DNAJC3: variants seen among roughly 807,000 people sequenced by gnomAD.
DNAJC3 encodes dnaJ homolog subfamily C member 3.
In DNAJC3, 38 loss-of-function variants were observed where a neutral mutation model predicts 68.6. The ratio of observed to expected loss-of-function variants is 0.55; its 90% CI spans 0.43 to 0.73. The LOEUF (loss-of-function observed/expected upper bound fraction) is 0.73. Among genes scored for constraint, DNAJC3 ranks in the 30% least tolerant of loss-of-function variants. DNAJC3 has a pLI of 0.00. For synonymous variants in DNAJC3, 203 were observed against 204.0 expected (o/e 1.00, Z 0.04); for missense variants, 526 against 591.9 (o/e 0.89, Z 1.16).
At chr13:95,691,504 G>A (rs1319257986) in intron 1 of DNAJC3, among the ~76,000 whole-genome samples, 1 of 151,818 alleles carries the variant, frequency 6.6e-6, no homozygotes, top group African/African-American at 2.4e-5. Context: ...GATGGCGGCC[G>A]GGAAGAGGCA....
chr13:95,790,796 TCTG>T, intron 11 of DNAJC3, 74 bp from the exon 12 acceptor site: 2 of 712,796 alleles, frequency 2.8e-6, no homozygotes, highest in Non-Finnish European at 4.6e-6. Flanking sequence ...CCCACCCTCC[TCTG>T]CCCAAAGAAA....
chr13:95,782,521 T>C (rs533494997), intron 9 of DNAJC3, among the ~76,000 whole-genome samples: 28 of 152,330 alleles, frequency 1.8e-4, no homozygotes, highest in Non-Finnish European at 3.8e-4. Context: ...TAGTACCTCA[T>C]TGTGGTTTTG....
intron 2 of DNAJC3, among the ~76,000 whole-genome samples, chr13:95,717,409 A>G (rs890683220): frequency 5.3e-5 from 8 of 152,216 alleles, no homozygotes; most frequent in African/African-American, 1.7e-4. Context: ...TGCTCTAGCA[A>G]CTTTCTGAAG....
intron 1 of DNAJC3, among the ~76,000 whole-genome samples, chr13:95,696,559 T>C (rs1052478436): frequency 1.3e-5 from 2 of 152,026 alleles, no homozygotes; most frequent in Admixed American, 6.5e-5. Context: ...AGGCCTTCTT[T>C]GCCTTTTTTA....
chr13:95,716,252 A>G (rs1294889541), intron 2 of DNAJC3, among the ~76,000 whole-genome samples: 2 of 152,212 alleles, frequency 1.3e-5, no homozygotes, highest in Non-Finnish European at 2.9e-5. Flanking sequence ...AGGGCGTGCA[A>G]CAGGGTTGTG....
intron 7 of DNAJC3, among the ~76,000 whole-genome samples, chr13:95,763,370 A>T (rs1051506395): frequency 8.5e-5 from 13 of 152,152 alleles, no homozygotes; most frequent in African/African-American, 3.1e-4. Context: ...TCTGTAAGGA[A>T]ATTCTTCTGG....
chr13:95,742,874 A>T (rs755659090), intron 4 of DNAJC3: 4 of 513,196 alleles, frequency 7.8e-6, no homozygotes, highest in African/African-American at 7.7e-5. Flanking sequence ...AGGATCTAAA[A>T]CTTTTCTCAT....
chr13:95,787,219 T>C (rs1392244042), intron 11 of DNAJC3, 64 bp downstream of exon 11: 5 of 1,562,436 alleles, frequency 3.2e-6, no homozygotes, highest in Non-Finnish European at 4.3e-6. Context: ...GGGTGGAACA[T>C]GTGGTGGGTT....
At chr13:95,689,701 G>T (rs1334068750) in intron 1 of DNAJC3, among the ~76,000 whole-genome samples, 3 of 151,642 alleles carry the variant, frequency 2.0e-5, no homozygotes, top group Admixed American at 1.3e-4. Context: ...TTGTTCATTT[G>T]CGATCTTTCT....
chr13:95,703,217 A>G (rs1566473897), intron 1 of DNAJC3, among the ~76,000 whole-genome samples: 1 of 152,194 alleles, frequency 6.6e-6, no homozygotes, highest in Non-Finnish European at 1.5e-5. Flanking sequence ...CTTACTATGT[A>G]TGGTTGATCT....
intron 1 of DNAJC3, among the ~76,000 whole-genome samples, chr13:95,688,390 G>T (rs1308962242): frequency 6.6e-6 from 1 of 152,112 alleles, no homozygotes; most frequent in African/African-American, 2.4e-5. Flanking sequence ...TGCCTGTTTA[G>T]TATGGTGTTG....
intron 2 of DNAJC3, among the ~76,000 whole-genome samples, chr13:95,716,935 G>C (rs1336846607): frequency 6.6e-6 from 1 of 152,164 alleles, no homozygotes; most frequent in Non-Finnish European, 1.5e-5. Flanking sequence ...ACAGGCCCAA[G>C]GGTGCAGCCC....
chr13:95,783,929 G>C (rs1380198298), intron 9 of DNAJC3, among the ~76,000 whole-genome samples: 2 of 152,134 alleles, frequency 1.3e-5, no homozygotes. Flanking sequence ...TGAATCCCAG[G>C]TTCCATCCAG....
At chr13:95,710,698 T>C (rs1026317060) in intron 2 of DNAJC3, among the ~76,000 whole-genome samples, 1 of 151,924 alleles carries the variant, frequency 6.6e-6, no homozygotes, top group Non-Finnish European at 1.5e-5. Context: ...TTTTTGTTTT[T>C]GTTTTTGAGA....
chr13:95,697,010 G>A (rs1880459421), intron 1 of DNAJC3, among the ~76,000 whole-genome samples: 1 of 152,102 alleles, frequency 6.6e-6, no homozygotes. Context: ...GGAGCATTTA[G>A]GCCATTTACC....
chr13:95,782,982 A>G (rs951658557), intron 9 of DNAJC3, among the ~76,000 whole-genome samples: 1 of 152,138 alleles, frequency 6.6e-6, no homozygotes, highest in African/African-American at 2.4e-5. Flanking sequence ...CCTCGAGTTA[A>G]TTTTTGTATA....
At chr13:95,755,941 A>C (rs1882649804) in intron 4 of DNAJC3, among the ~76,000 whole-genome samples, 1 of 151,952 alleles carries the variant, frequency 6.6e-6, no homozygotes, top group South Asian at 2.1e-4. Flanking sequence ...CTGGCCTCAC[A>C]GAGGCCTAGA....
At chr13:95,770,154 A>G (rs1312355163) in intron 9 of DNAJC3, among the ~76,000 whole-genome samples, 1 of 152,238 alleles carries the variant, frequency 6.6e-6, no homozygotes, top group African/African-American at 2.4e-5. Flanking sequence ...GAATAGAGAA[A>G]GACAGTCATA....
At chr13:95,695,980 T>G (rs371388356) in intron 1 of DNAJC3, among the ~76,000 whole-genome samples, 1 of 152,230 alleles carries the variant, frequency 6.6e-6, no homozygotes, top group Admixed American at 6.5e-5. Context: ...TTAATCCCCA[T>G]GAATGATATA....
Sources: allele counts gnomAD v4.1 joint callset (sites outside exome capture counted in the v4.1 genomes callset), GRCh38; gene constraint gnomAD v4.1.1; transcripts MANE v1.5; gene names NCBI Gene and HGNC (gene_info 2026-07-23, HGNC 2026-07-21).